PRKG1: variants seen among roughly 807,000 people sequenced by gnomAD.
PRKG1 encodes cGMP-dependent protein kinase 1.
Under a neutral mutation model 88.1 loss-of-function variants are expected in PRKG1, and 35 were observed. That is an observed-to-expected ratio of 0.40 (90% CI 0.30 to 0.53). PRKG1 has a LOEUF of 0.53. Among genes scored for constraint, PRKG1 ranks in the 20% least tolerant of loss-of-function variants. PRKG1 has a pLI of 0.59. For missense variants in PRKG1, 540 were observed against 839.8 expected, an observed-to-expected ratio of 0.64 and a Z score of 4.41; for synonymous variants, 303 against 292.5, an observed-to-expected ratio of 1.04 and a Z score of -0.37.
In PRKG1 at chr10:51,138,080, T is replaced by A. The variant is rs182582414; in HGVS notation, c.312-15084T>A. 3.2e-3 allele frequency among the ~76,000 whole-genome samples: 495 copies of A among 152,348 alleles called. 2 individuals are homozygous for A. The highest frequency in any genetic ancestry group is 0.01 in the African/African-American group (417 of 41,568). On this transcript the variant is annotated intron_variant, in intron 1 of 17. Coordinates refer to ENST00000373980, the MANE Select transcript of PRKG1 (RefSeq NM_006258.4). ...TACTTTTTACTTGTAGATTTACTCC[T>A]CATTATGTTTTCAAAAGAATGTAAG...
chr10:51,772,871 A>T (rs1461290381), intron 3 of PRKG1, among the ~76,000 whole-genome samples: 3 of 152,066 alleles, frequency 2.0e-5, no homozygotes, highest in Non-Finnish European at 4.4e-5. Flanking sequence ...AGTAATGTAA[A>T]GTGATTGACA....
chr10:51,773,430 A>C lies in PRKG1; in HGVS notation c.593-31155A>C, dbSNP rs192222517. Among the ~76,000 whole-genome samples, 1,075 of 152,176 alleles carry C rather than the reference A, an allele frequency of 7.1e-3. 14 individuals are homozygous for C. Among genetic ancestry groups the C allele is most frequent in the African/African-American group, 0.022 (915 of 41,560 alleles). On this transcript the variant is annotated intron_variant, in intron 3 of 17. Coordinates refer to ENST00000373980, the MANE Select transcript of PRKG1 (RefSeq NM_006258.4). Reference sequence around the variant, plus strand: ...AGTTCCTGTAACTGCTTAAAGGTGCATCAGGGATGCTCTGGGAGGAAGTTT... The same window carrying C: ...AGTTCCTGTAACTGCTTAAAGGTGCCTCAGGGATGCTCTGGGAGGAAGTTT...
At chr10:52,006,049 A>T (rs1249878801) in intron 5 of PRKG1, among the ~76,000 whole-genome samples, 1 of 151,862 alleles carries the variant, frequency 6.6e-6, no homozygotes, top group Non-Finnish European at 1.5e-5. Context: ...ACCATAATCA[A>T]ACCCCCAAGG....
intron 3 of PRKG1, among the ~76,000 whole-genome samples, chr10:51,634,605 T>C (rs1453479503): frequency 6.6e-6 from 1 of 152,102 alleles, no homozygotes; most frequent in Non-Finnish European, 1.5e-5. Context: ...TAAAAAGCTA[T>C]ATGATATCTG....
At chr10:52,287,561 AT>A (rs1171008444) in intron 14 of PRKG1, among the ~76,000 whole-genome samples, 1 of 152,078 alleles carries the variant, frequency 6.6e-6, no homozygotes, top group Non-Finnish European at 1.5e-5. Flanking sequence ...AGAGTAATTA[AT>A]TTCCAAAGAA....
At chr10:51,679,056 T>C (rs1293364112) in intron 3 of PRKG1, among the ~76,000 whole-genome samples, 1 of 152,226 alleles carries the variant, frequency 6.6e-6, no homozygotes, top group Non-Finnish European at 1.5e-5. Context: ...AGGCTAGATA[T>C]TTAGAAATAC....
At chr10:52,203,082 A>G (rs2134762) in intron 9 of PRKG1, among the ~76,000 whole-genome samples, 23,483 of 151,806 alleles carry the variant, frequency 0.15, 2,044 homozygotes, top group South Asian at 0.26. Flanking sequence ...GCTCTTGTTT[A>G]TCTAGTTCCT....
At chr10:51,902,146 C>A (rs1841993978) in intron 4 of PRKG1, among the ~76,000 whole-genome samples, 1 of 151,864 alleles carries the variant, frequency 6.6e-6, no homozygotes, top group African/African-American at 2.4e-5. Flanking sequence ...TGGAGTTTTG[C>A]TCTCGTTGCC....
intron 2 of PRKG1, among the ~76,000 whole-genome samples, chr10:51,200,622 A>G (rs1485582903): frequency 6.6e-6 from 1 of 152,244 alleles, no homozygotes; most frequent in Non-Finnish European, 1.5e-5. Context: ...GAAAGGATTC[A>G]TACATTGTTG....
chr10:51,830,810 C>T (rs1839987938), intron 4 of PRKG1, among the ~76,000 whole-genome samples: 2 of 152,042 alleles, frequency 1.3e-5, no homozygotes, highest in Admixed American at 6.6e-5. Flanking sequence ...AATCCACCCT[C>T]CTGGGCCCCC....
chr10:51,650,500 A>C (rs774949838), intron 3 of PRKG1, among the ~76,000 whole-genome samples: 3 of 152,208 alleles, frequency 2.0e-5, no homozygotes, highest in Non-Finnish European at 2.9e-5. Flanking sequence ...CATTACTCTT[A>C]GTTCTTAGAG....
chr10:51,123,703 A>AG (rs1334119279), intron 1 of PRKG1, among the ~76,000 whole-genome samples: 1 of 151,842 alleles, frequency 6.6e-6, no homozygotes, highest in African/African-American at 2.4e-5. Context: ...AAAAAAAAAA[A>AG]AAAAATTACT....
At chr10:51,141,774 C>A (rs2131956142) in intron 1 of PRKG1, among the ~76,000 whole-genome samples, 1 of 152,140 alleles carries the variant, frequency 6.6e-6, no homozygotes, top group East Asian at 1.9e-4. Context: ...AGTGTATGAA[C>A]CCTTATACTA....
At chr10:51,231,086 G>T (rs1259063349) in intron 2 of PRKG1, among the ~76,000 whole-genome samples, 1 of 152,104 alleles carries the variant, frequency 6.6e-6, no homozygotes, top group Non-Finnish European at 1.5e-5. Flanking sequence ...GGAGTGAAAA[G>T]GGAGGGAGAA....
intron 2 of PRKG1, among the ~76,000 whole-genome samples, chr10:51,361,577 GT>G (rs921904066): frequency 6.6e-6 from 1 of 151,732 alleles, no homozygotes; most frequent in Non-Finnish European, 1.5e-5. Flanking sequence ...AATTTAAGAG[GT>G]TTTTTCTTCT....
At chr10:51,706,155 G>A (rs1179428360) in intron 3 of PRKG1, among the ~76,000 whole-genome samples, 1 of 152,162 alleles carries the variant, frequency 6.6e-6, no homozygotes, top group Non-Finnish European at 1.5e-5. Flanking sequence ...AAAGCATCCA[G>A]TTAGTTAAAG....
chr10:51,296,628 T>C (rs1339397716), intron 2 of PRKG1, among the ~76,000 whole-genome samples: 1 of 152,034 alleles, frequency 6.6e-6, no homozygotes, highest in African/African-American at 2.4e-5. Flanking sequence ...AAAAATCAAC[T>C]CTTGTTTATG....
chr10:51,970,838 A>G (rs974253645), intron 5 of PRKG1, among the ~76,000 whole-genome samples: 5 of 147,876 alleles, frequency 3.4e-5, no homozygotes, highest in Non-Finnish European at 7.5e-5. Flanking sequence ...TGTGATATAT[A>G]TATATATATA....
intron 1 of PRKG1, among the ~76,000 whole-genome samples, chr10:51,134,676 A>G (rs1418615257): frequency 6.6e-6 from 1 of 152,138 alleles, no homozygotes; most frequent in African/African-American, 2.4e-5. Flanking sequence ...CTATTTTTGA[A>G]CAGAAATATG....
Sources: allele counts gnomAD v4.1 joint callset (sites outside exome capture counted in the v4.1 genomes callset), GRCh38; gene constraint gnomAD v4.1.1; transcripts MANE v1.5; gene names NCBI Gene and HGNC (gene_info 2026-07-23, HGNC 2026-07-21).